Variants in CDH18 observed in about 807,000 individuals in gnomAD.
CDH18 encodes cadherin 18, also known as cadherin-18.
A neutral mutation model predicts 67.9 loss-of-function variants in CDH18; 31 were observed. That is an observed-to-expected ratio of 0.46 (90% confidence interval 0.34 to 0.62). The LOEUF is 0.62. Among genes scored for constraint, CDH18 ranks in the 20% least tolerant of loss-of-function variants. CDH18 has a pLI of 0.01. For synonymous variants in CDH18, 362 were observed against 347.2 expected (o/e 1.04, Z -0.48); for missense variants, 890 against 975.5 (o/e 0.91, Z 1.17).
chr5:19,821,435 T>C lies in CDH18; in HGVS notation c.228+17324A>G, dbSNP rs1779867615. On this transcript the variant is annotated intron_variant, in intron 3 of 12. Coordinates refer to ENST00000382275, the MANE Select transcript of CDH18 (RefSeq NM_004934.5). ...AAAAAAAAAAAGGAAAAAGAATTTT[T>C]AAAATGAACAATAACTTTGAGAAAC... Among the ~76,000 whole-genome samples the C allele has an allele frequency of 2.0e-5, 3 of 150,940 alleles. No homozygotes were observed. In the South Asian group the frequency reaches 6.3e-4, roughly 32 times the overall value.
At chr5:20,548,301 TTTA>T (rs1318210745) in intron 1 of CDH18, among the ~76,000 whole-genome samples, 1 of 151,802 alleles carries the variant, frequency 6.6e-6, no homozygotes, top group African/African-American at 2.4e-5. Context: ...CCAAAGTAAT[TTTA>T]TTTATTCAAG....
intron 2 of CDH18, among the ~76,000 whole-genome samples, chr5:20,074,211 G>C (rs554560755): frequency 6.6e-6 from 1 of 152,086 alleles, no homozygotes; most frequent in Admixed American, 6.5e-5. Flanking sequence ...TATACTGCTG[G>C]AAATATGGCT....
intron 2 of CDH18, among the ~76,000 whole-genome samples, chr5:19,893,574 T>TCC (rs1788992709): frequency 6.6e-6 from 1 of 152,104 alleles, no homozygotes; most frequent in Non-Finnish European, 1.5e-5. Flanking sequence ...TACATTCATT[T>TCC]TCTCTCTCTT....
At chr5:20,074,308 G>T (rs1217803530) in intron 2 of CDH18, among the ~76,000 whole-genome samples, 1 of 151,872 alleles carries the variant, frequency 6.6e-6, no homozygotes, top group Non-Finnish European at 1.5e-5. Flanking sequence ...ATTTAATTTT[G>T]AGTGCTTTCA....
intron 1 of CDH18, among the ~76,000 whole-genome samples, chr5:19,985,796 ATCTC>A (rs967886879): frequency 3.9e-5 from 6 of 152,090 alleles, no homozygotes; most frequent in African/African-American, 1.4e-4. Context: ...TAATGTCTCA[ATCTC>A]TCTCATTCTT....
chr5:19,795,714 A>C (rs1381562281), intron 3 of CDH18, among the ~76,000 whole-genome samples: 1 of 152,170 alleles, frequency 6.6e-6, no homozygotes, highest in Non-Finnish European at 1.5e-5. Flanking sequence ...CCAAGAACGG[A>C]GAAAATTGTA....
At chr5:20,267,881 A>G (rs1233263425) in intron 1 of CDH18, among the ~76,000 whole-genome samples, 1 of 152,206 alleles carries the variant, frequency 6.6e-6, no homozygotes, top group Non-Finnish European at 1.5e-5. Flanking sequence ...AAGTTTGAAT[A>G]TGATTGGTTG....
chr5:20,317,528 G>A (rs1287642320), intron 1 of CDH18, among the ~76,000 whole-genome samples: 1 of 152,038 alleles, frequency 6.6e-6, no homozygotes, highest in Non-Finnish European at 1.5e-5. Flanking sequence ...CTATATGGGG[G>A]CAAAATCATC....
chr5:19,839,584 C>G (rs534159638), intron 2 of CDH18, among the ~76,000 whole-genome samples: 1 of 151,906 alleles, frequency 6.6e-6, no homozygotes, highest in Non-Finnish European at 1.5e-5. Context: ...TGTCACAGAC[C>G]ATAACAGCAA....
chr5:19,614,207 T>G (rs115800144), intron 5 of CDH18, among the ~76,000 whole-genome samples: 2,457 of 152,024 alleles, frequency 0.016, 66 homozygotes, highest in African/African-American at 0.056. Flanking sequence ...AATCACTATT[T>G]TCTTTTTTTT....
At chr5:20,272,703 C>T (rs1298875210) in intron 1 of CDH18, among the ~76,000 whole-genome samples, 1 of 151,882 alleles carries the variant, frequency 6.6e-6, no homozygotes, top group Admixed American at 6.6e-5. Flanking sequence ...TGTTTGATTC[C>T]AAAGTCCATT....
chr5:19,848,435 G>C (rs985018451), intron 2 of CDH18, among the ~76,000 whole-genome samples: 1 of 152,098 alleles, frequency 6.6e-6, no homozygotes, highest in Admixed American at 6.6e-5. Context: ...CACCTGATAT[G>C]GAGGAGGAGC....
At chr5:19,642,076 G>C (rs561373393) in intron 5 of CDH18, among the ~76,000 whole-genome samples, 1 of 151,760 alleles carries the variant, frequency 6.6e-6, no homozygotes, top group South Asian at 2.1e-4. Context: ...AAATGGAAGA[G>C]ACAATATTCA....
chr5:20,561,869 A>G (rs563746396), intron 1 of CDH18, among the ~76,000 whole-genome samples: 9 of 148,214 alleles, frequency 6.1e-5, no homozygotes, highest in Non-Finnish European at 1.2e-4. Context: ...TTCATTATTA[A>G]TTTATTTCAG....
chr5:20,095,896 G>A (rs1424613139), intron 2 of CDH18, among the ~76,000 whole-genome samples: 1 of 151,850 alleles, frequency 6.6e-6, no homozygotes, highest in Non-Finnish European at 1.5e-5. Flanking sequence ...ACTGAATTAA[G>A]TATTAGCAGA....
intron 1 of CDH18, among the ~76,000 whole-genome samples, chr5:20,390,458 G>A (rs543412777): frequency 6.6e-6 from 1 of 152,282 alleles, no homozygotes; most frequent in Admixed American, 6.5e-5. Flanking sequence ...ACACCAGTTA[G>A]AATGGCGATC....
At chr5:20,325,658 GA>G (rs1045844668) in intron 1 of CDH18, among the ~76,000 whole-genome samples, 15 of 144,504 alleles carry the variant, frequency 1.0e-4, no homozygotes, top group African/African-American at 2.0e-4. Flanking sequence ...TCTGTCTTTA[GA>G]AAAAAAAAAG....
intron 1 of CDH18, among the ~76,000 whole-genome samples, chr5:20,388,143 C>T (rs1744477337): frequency 1.3e-5 from 2 of 151,948 alleles, no homozygotes; most frequent in South Asian, 4.2e-4. Context: ...GAAGGAATGG[C>T]ACCAGTTCCT....
intron 8 of CDH18, among the ~76,000 whole-genome samples, chr5:19,561,202 T>C (rs1739391108): frequency 6.6e-6 from 1 of 152,120 alleles, no homozygotes; most frequent in African/African-American, 2.4e-5. Context: ...AAAAGATACC[T>C]GCGAAGGTAT....
Sources: allele counts gnomAD v4.1 joint callset (sites outside exome capture counted in the v4.1 genomes callset), GRCh38; gene constraint gnomAD v4.1.1; transcripts MANE v1.5; gene names NCBI Gene and HGNC (gene_info 2026-07-23, HGNC 2026-07-21).